The following ZMYM2 variants were observed in gnomAD, a reference collection of about 807,000 sequenced individuals.
The protein encoded by ZMYM2 is zinc finger MYM-type containing 2, also known as zinc finger MYM-type protein 2.
A neutral mutation model predicts 162.8 loss-of-function variants in ZMYM2; 56 were observed. The ratio of observed to expected loss-of-function variants is 0.34; its 90% CI spans 0.28 to 0.43. The LOEUF (loss-of-function observed/expected upper bound fraction) is 0.43, where lower values mean the gene tolerates loss of function less well. ZMYM2 is among the 20% of genes least tolerant of loss of function. The pLI, the probability that ZMYM2 is intolerant of heterozygous loss-of-function variation, is 1.00. For missense variants in ZMYM2, 1,275 were observed against 1,621.8 expected (o/e 0.79, Z 3.67); for synonymous variants, 510 against 541.6 (o/e 0.94, Z 0.81).
chr13:20,044,264 G>A (rs531756285), intron 12 of ZMYM2, among the ~76,000 whole-genome samples: 29 of 152,314 alleles, frequency 1.9e-4, no homozygotes, highest in Admixed American at 5.9e-4. Flanking sequence ...CAACTCAAGT[G>A]TCCCTGCTGG....
the ZMYM2 span, among the ~76,000 whole-genome samples, chr13:19,894,124 C>G: frequency 6.6e-6 from 1 of 151,894 alleles, no homozygotes; most frequent in Non-Finnish European, 1.5e-5. Context: ...CACACACACT[C>G]AGATGCTTCT....
intron 9 of ZMYM2, chr13:20,027,866 G>A (rs568832316): frequency 6.1e-6 from 1 of 163,960 alleles, no homozygotes; most frequent in Admixed American, 6.4e-5. Context: ...TCAGAAGATA[G>A]ATTCTTGGAA....
intron 21 of ZMYM2, among the ~76,000 whole-genome samples, chr13:20,074,237 T>TGTGTGTGTGTGTGA (rs1491090474): frequency 3.1e-5 from 4 of 127,462 alleles, no homozygotes; most frequent in African/African-American, 1.1e-4. Context: ...TGTGTGTGTG[T>TGTGTGTGTGTGTGA]GAGAGAGACA....
chr13:20,007,873 G>A (rs1461854915), intron 6 of ZMYM2, among the ~76,000 whole-genome samples: 1 of 151,790 alleles, frequency 6.6e-6, no homozygotes, highest in East Asian at 1.9e-4. Context: ...TCCGTGCCTC[G>A]GCCTCCCAAA....
At chr13:20,043,707 G>C (rs1954495228) in intron 12 of ZMYM2, among the ~76,000 whole-genome samples, 1 of 152,100 alleles carries the variant, frequency 6.6e-6, no homozygotes. Context: ...GGGCAAGGTG[G>C]GGGTGAAGTG....
At chr13:19,910,770 A>G in the ZMYM2 span, among the ~76,000 whole-genome samples, 1 of 152,100 alleles carries the variant, frequency 6.6e-6, no homozygotes, top group Non-Finnish European at 1.5e-5. Context: ...GGGAAACCTA[A>G]ATACAATGAG....
At chr13:19,973,694 A>G (rs1331769676) in intron 2 of ZMYM2, among the ~76,000 whole-genome samples, 1 of 149,990 alleles carries the variant, frequency 6.7e-6, no homozygotes, top group Admixed American at 6.6e-5. Flanking sequence ...AAAAAACACC[A>G]AAAAACAAAA....
chr13:20,047,284 T>A (rs1214978005), intron 12 of ZMYM2, among the ~76,000 whole-genome samples: 1 of 152,202 alleles, frequency 6.6e-6, no homozygotes, highest in African/African-American at 2.4e-5. Flanking sequence ...TACCCCCCCA[T>A]GCATTCCTTC....
the ZMYM2 span, among the ~76,000 whole-genome samples, chr13:19,932,488 A>G: frequency 6.6e-6 from 1 of 152,012 alleles, no homozygotes; most frequent in Non-Finnish European, 1.5e-5. Context: ...TCTCTACTAA[A>G]AATACAAAAA....
chr13:19,930,456 C>A, the ZMYM2 span, among the ~76,000 whole-genome samples: 1 of 151,884 alleles, frequency 6.6e-6, no homozygotes, highest in East Asian at 1.9e-4. Flanking sequence ...TTAAAATTAT[C>A]TTTACAATTT....
chr13:19,978,643 GACCTCA>G (rs1222969140), intron 2 of ZMYM2, among the ~76,000 whole-genome samples: 1 of 151,912 alleles, frequency 6.6e-6, no homozygotes, highest in Non-Finnish European at 1.5e-5. Context: ...TGAAACTCCC[GACCTCA>G]GGTGATCTGC....
the ZMYM2 span, among the ~76,000 whole-genome samples, chr13:19,944,428 T>C: frequency 7.9e-5 from 12 of 152,110 alleles, no homozygotes; most frequent in Non-Finnish European, 1.5e-4. Flanking sequence ...TGAAAAAGAA[T>C]GGGCTGTATC....
chr13:20,052,563 A>T (rs765937151), intron 14 of ZMYM2, among the ~76,000 whole-genome samples: 13 of 152,198 alleles, frequency 8.5e-5, no homozygotes, highest in Non-Finnish European at 1.9e-4. Context: ...GAGTTGACGG[A>T]TGTTTCCATA....
intron 22 of ZMYM2, 61 bp downstream of exon 22, chr13:20,082,191 G>GT (rs1957956865): frequency 1.6e-6 from 2 of 1,222,432 alleles, no homozygotes; most frequent in East Asian, 5.3e-5. Context: ...TTTTTACAGA[G>GT]TATGTTTGAA....
the ZMYM2 span, among the ~76,000 whole-genome samples, chr13:19,887,527 T>TAA: frequency 1.4e-5 from 2 of 143,656 alleles, no homozygotes; most frequent in African/African-American, 5.1e-5. Flanking sequence ...AGACTTGGTA[T>TAA]AAAAAAAAAA....
Position 19,978,405 on chromosome 13 carries a change from A to T in ZMYM2, c.-10-14658A>T, listed in dbSNP as rs192606678. ...ATTGTGTGCTCATTAATATAAATTT[A>T]AAATTACTGTTTTTTGGGTTTTTTT... On this transcript the variant is annotated intron_variant, in intron 2 of 24. Coordinates refer to ENST00000610343, the MANE Select transcript of ZMYM2 (RefSeq NM_197968.4). Among the ~76,000 whole-genome samples, 54 of 152,104 alleles carry T rather than the reference A, an allele frequency of 3.6e-4. 1 individual carries two copies. Among genetic ancestry groups the T allele is most frequent in the Admixed American group, 2.9e-3 (45 of 15,284 alleles).
At chr13:19,874,134 C>T in the ZMYM2 span, among the ~76,000 whole-genome samples, 1 of 152,178 alleles carries the variant, frequency 6.6e-6, no homozygotes, top group East Asian at 1.9e-4. Context: ...GATTAACTGT[C>T]TTAGGTCTCC....
chr13:19,915,454 T>C, the ZMYM2 span, among the ~76,000 whole-genome samples: 1 of 151,884 alleles, frequency 6.6e-6, no homozygotes, highest in Admixed American at 6.6e-5. Flanking sequence ...TTTCTTTCTT[T>C]CTCTTACTTT....
At chr13:19,884,953 A>C in the ZMYM2 span, among the ~76,000 whole-genome samples, 3 of 152,098 alleles carry the variant, frequency 2.0e-5, no homozygotes, top group Non-Finnish European at 4.4e-5. Flanking sequence ...GGCCCATTTT[A>C]CAGAGTGCTG....
Sources: gnomAD v4.1 joint callset for allele counts (sites outside exome capture counted in the v4.1 genomes callset) on GRCh38, gnomAD v4.1.1 for gene constraint, MANE v1.5 for transcripts, NCBI Gene and HGNC (gene_info 2026-07-23, HGNC 2026-07-21) for gene names.